LPP: variants seen among roughly 807,000 people sequenced by gnomAD.
The protein encoded by LPP is lipoma-preferred partner.
In LPP, 38 loss-of-function variants were observed where a neutral mutation model predicts 60.4. The ratio of observed to expected loss-of-function variants is 0.63; its 90% confidence interval spans 0.49 to 0.83. The LOEUF is 0.83. Among genes scored for constraint, LPP ranks in the 40% least tolerant of loss-of-function variants. LPP has a pLI of 0.00. For synonymous variants in LPP, 328 were observed against 290.8 expected, an observed-to-expected ratio of 1.13 and a Z score of -1.30; for missense variants, 902 against 783.6, an observed-to-expected ratio of 1.15 and a Z score of -1.80.
intron 7 of LPP, among the ~76,000 whole-genome samples, chr3:188,690,270 C>A (rs1045119066): frequency 1.3e-5 from 2 of 152,156 alleles, no homozygotes; most frequent in Non-Finnish European, 2.9e-5. Flanking sequence ...GTGTTCATTA[C>A]GCTATGTGAC....
chr3:188,220,216 G>A (rs556256292), intron 1 of LPP, among the ~76,000 whole-genome samples: 194 of 152,210 alleles, frequency 1.3e-3, no homozygotes, highest in African/African-American at 4.4e-3. Flanking sequence ...GTGAGGTCAC[G>A]TAAATCTGGA....
At chr3:188,240,459 A>T (rs1723916971) in intron 2 of LPP, among the ~76,000 whole-genome samples, 1 of 152,158 alleles carries the variant, frequency 6.6e-6, no homozygotes, top group Non-Finnish European at 1.5e-5. Flanking sequence ...GCAACTTCAT[A>T]GGCACAGAAT....
intron 1 of LPP, among the ~76,000 whole-genome samples, chr3:188,202,087 A>G (rs1188549784): frequency 6.6e-6 from 1 of 151,854 alleles, no homozygotes; most frequent in African/African-American, 2.4e-5. Context: ...TACTAGATAA[A>G]GCACTTGGAC....
At chr3:188,734,016 T>G (rs750899127) in intron 8 of LPP, among the ~76,000 whole-genome samples, 1 of 152,186 alleles carries the variant, frequency 6.6e-6, no homozygotes, top group Non-Finnish European at 1.5e-5. Flanking sequence ...TGTGTGGAGT[T>G]TGTTTTCTAA....
At chr3:188,342,816 G>T (rs1428697652) in intron 3 of LPP, among the ~76,000 whole-genome samples, 1 of 152,042 alleles carries the variant, frequency 6.6e-6, no homozygotes, top group African/African-American at 2.4e-5. Context: ...TATATAATAA[G>T]AACACGTGCA....
chr3:188,443,015 A>AT (rs1376570896), intron 4 of LPP, among the ~76,000 whole-genome samples: 1 of 152,028 alleles, frequency 6.6e-6, no homozygotes, highest in African/African-American at 2.4e-5. Context: ...AGACACACAA[A>AT]TTTTTTTTCT....
chr3:188,856,155 A>G (rs1763783697), intron 9 of LPP, among the ~76,000 whole-genome samples: 1 of 152,150 alleles, frequency 6.6e-6, no homozygotes, highest in African/African-American at 2.4e-5. Context: ...CGCAAACTAG[A>G]CAGAGAACTG....
At chr3:188,398,364 G>A (rs1470487464) in intron 3 of LPP, among the ~76,000 whole-genome samples, 2 of 152,204 alleles carry the variant, frequency 1.3e-5, no homozygotes, top group Admixed American at 6.5e-5. Context: ...TAGAAAGTAC[G>A]CCCAAGTCCT....
chr3:188,721,506 A>C (rs1191803208), intron 8 of LPP, among the ~76,000 whole-genome samples: 1 of 152,162 alleles, frequency 6.6e-6, no homozygotes, highest in Non-Finnish European at 1.5e-5. Context: ...GTGAGCCGTG[A>C]TTGCACCACC....
chr3:188,841,976 C>T lies in LPP; in HGVS notation c.1411-24224C>T, dbSNP rs776924408. ...CGATGGGGTTTTCTAAATAGACAAT[C>T]GGGTCATCTGCAAACAGAGACAATT... On this transcript the variant is annotated intron_variant, in intron 9 of 11. Transcript: ENST00000617246. Among the ~76,000 whole-genome samples the T allele has an allele frequency of 8.5e-5, 13 of 152,260 alleles. No individual in the cohort carries two copies. In the East Asian group the frequency reaches 9.6e-4, roughly 11 times the overall value.
chr3:188,351,035 A>G lies in LPP; in HGVS notation c.-10+9316A>G, dbSNP rs143152506. Among the ~76,000 whole-genome samples, 696 of 152,240 alleles carry G rather than the reference A, an allele frequency of 4.6e-3. 3 individuals carry two copies. The highest frequency in any genetic ancestry group is 0.015 in the African/African-American group (636 of 41,536). ...TCTTAGCAATGGACTTTGTTTTATAATTAAACTTTATTTTGTATTGCCATC... is the reference window on the plus strand; with the variant it reads ...TCTTAGCAATGGACTTTGTTTTATAGTTAAACTTTATTTTGTATTGCCATC... On this transcript the variant is annotated intron_variant, in intron 3 of 11. Coordinates refer to ENST00000617246, the MANE Select transcript of LPP (RefSeq NM_001375462.1).
At chr3:188,825,709 C>T (rs73888924) in intron 9 of LPP, among the ~76,000 whole-genome samples, 4,862 of 152,004 alleles carry the variant, frequency 0.032, 257 homozygotes, top group African/African-American at 0.11. Flanking sequence ...CCATGGGTAC[C>T]TAGAAAAAGA....
At chr3:188,732,818 C>A (rs1481372506) in intron 8 of LPP, among the ~76,000 whole-genome samples, 1 of 150,110 alleles carries the variant, frequency 6.7e-6, no homozygotes, top group Non-Finnish European at 1.5e-5. Context: ...AATGAAAATA[C>A]ATCTTCTTAG....
chr3:188,409,648 T>C (rs73050774), intron 4 of LPP, among the ~76,000 whole-genome samples: 19 of 152,202 alleles, frequency 1.2e-4, no homozygotes, highest in African/African-American at 4.1e-4. Flanking sequence ...CCAGGATGCA[T>C]TGGTGATACC....
rs973108062 is a variant in LPP, at chr3:188,492,379, G to C, written c.306+7675G>C. On this transcript the variant is annotated intron_variant, in intron 5 of 11. Transcript: ENST00000617246. ...TTTTATTTTAACTTACAAAAAAGTA[G>C]TGGGTCTTTTTCTACTTATAAGAAA... Among the ~76,000 whole-genome samples the C allele has an allele frequency of 3.3e-5, 5 of 152,082 alleles. No individual in the cohort carries two copies. In the South Asian group the frequency reaches 1.0e-3, roughly 32 times the overall value.
chr3:188,275,838 G>A (rs995449290), intron 2 of LPP, among the ~76,000 whole-genome samples: 4 of 152,022 alleles, frequency 2.6e-5, no homozygotes, highest in Non-Finnish European at 5.9e-5. Context: ...ACCACACCTG[G>A]CTAATTTTTT....
rs146669463 is a variant in LPP at position 188,840,924 on chromosome 3, A to T, written c.1411-25276A>T. 7.7e-3 allele frequency among the ~76,000 whole-genome samples: 1,178 copies of T among 152,250 alleles called. 9 individuals are homozygous for T. The highest frequency in any genetic ancestry group is 0.017 in the Middle Eastern group (5 of 294). ...GGGGTTCATTTTACATTAAAAGTAGAGCCATCTGATGTGGCGGGCATCCAA... is the reference window on the plus strand; with the variant it reads ...GGGGTTCATTTTACATTAAAAGTAGTGCCATCTGATGTGGCGGGCATCCAA... On this transcript the variant is annotated intron_variant, in intron 9 of 11. Coordinates refer to ENST00000617246, the MANE Select transcript of LPP (RefSeq NM_001375462.1).
At chr3:188,806,621 C>G (rs1352686065) in intron 9 of LPP, among the ~76,000 whole-genome samples, 2 of 151,866 alleles carry the variant, frequency 1.3e-5, no homozygotes, top group African/African-American at 4.8e-5. Context: ...TTTTCTCTTC[C>G]TGCCTTTCTT....
At chr3:188,462,568 A>G (rs1799294099) in intron 4 of LPP, among the ~76,000 whole-genome samples, 3 of 52,966 alleles carry the variant, frequency 5.7e-5, no homozygotes, top group Non-Finnish European at 7.5e-5. Flanking sequence ...ATATATATAT[A>G]TATATATATA....
Sources: gnomAD v4.1 joint callset for allele counts (sites outside exome capture counted in the v4.1 genomes callset) on GRCh38, gnomAD v4.1.1 for gene constraint, MANE v1.5 for transcripts, NCBI Gene and HGNC (gene_info 2026-07-23, HGNC 2026-07-21) for gene names.